The following SPATC1 variants were observed in gnomAD, a reference collection of about 807,000 sequenced individuals.
SPATC1 encodes spermatogenesis and centriole associated 1.
In SPATC1, 35 loss-of-function variants were observed where a neutral mutation model predicts 36.5. The observed-to-expected ratio is 0.96, with a 90% confidence interval of 0.73 to 1.27. SPATC1 has a LOEUF of 1.27. Among genes scored for constraint, SPATC1 ranks in the 50% most tolerant of loss-of-function variants. SPATC1 has a pLI of 0.00. For synonymous variants in SPATC1, 361 were observed against 353.6 expected (o/e 1.02, Z -0.24); for missense variants, 779 against 796.0 (o/e 0.98, Z 0.26).
chr8:144,040,496 T>TG lies in SPATC1; in HGVS notation c.766+42dup, dbSNP rs562226213. 9.1e-3 allele frequency: 14,029 copies of TG among 1,540,064 alleles called. 67 individuals are homozygous for TG. Among genetic ancestry groups the TG allele is most frequent in the Middle Eastern group, 0.014 (79 of 5,742 alleles). ...GTGTGGTGGGTGGTGGGTGGCAGAG[T>TG]GGGGGGGGGCAGAGCCCTCCCACCT... On this transcript the variant is annotated intron_variant, in intron 2 of 4. Coordinates refer to ENST00000377470, the MANE Select transcript of SPATC1 (RefSeq NM_198572.3).
intron 1 of SPATC1, among the ~76,000 whole-genome samples, chr8:144,020,094 C>T (rs1177212854): frequency 1.3e-5 from 2 of 151,366 alleles, no homozygotes; most frequent in East Asian, 2.0e-4. Flanking sequence ...GTCAATACCC[C>T]ACAAGACTCT....
At chr8:144,019,871 A>T (rs1475967402) in intron 1 of SPATC1, among the ~76,000 whole-genome samples, 1 of 151,682 alleles carries the variant, frequency 6.6e-6, no homozygotes, top group Non-Finnish European at 1.5e-5. Context: ...CTACCTGAGG[A>T]TCCTCTCCCC....
Position 144,041,115 on chromosome 8 carries a change from A to G in SPATC1, c.1306+8A>G. On this transcript the variant is annotated splice_region_variant and intron_variant, in intron 3 of 4. Transcript: ENST00000377470. ...TCCCCGAGAACCCCCGAGGTCAGTG[A>G]CACTGCGGGCTCCACGCGGGTCGGG... The G allele has an allele frequency of 3.8e-6, 6 of 1,578,908 alleles. No homozygotes were observed. The highest frequency in any genetic ancestry group is 2.7e-5 in the African/African-American group (2 of 74,136).
intron 1 of SPATC1, among the ~76,000 whole-genome samples, chr8:144,034,747 G>A (rs939079948): frequency 1.3e-5 from 2 of 151,874 alleles, no homozygotes; most frequent in Non-Finnish European, 2.9e-5. Context: ...CCAGGTTCCC[G>A]AGTACCTGGG....
intron 1 of SPATC1, among the ~76,000 whole-genome samples, chr8:144,018,877 C>CAA (rs1165770098): frequency 0.14 from 13,448 of 96,560 alleles, 1,379 homozygotes; most frequent in South Asian, 0.2. Flanking sequence ...ACTAAAAATA[C>CAA]AAAAAAAAAA....
Position 144,040,804 on chromosome 8 carries a change from C to T in SPATC1, c.1003C>T (p.Leu335Phe), listed in dbSNP as rs1564279100. 6.5e-7 allele frequency: 1 copy of T among 1,534,050 alleles called. No homozygotes were observed. The highest frequency in any genetic ancestry group is 8.8e-7 in the Non-Finnish European group (1 of 1,139,670). ...SPTTSPTVTVLASAPALAPQV... is the reference protein window; with the variant it reads ...SPTTSPTVTVFASAPALAPQV... Reference sequence around the variant, plus strand: ...CACCACCTCCCCCACGGTCACCGTCCTTGCCTCTGCCCCCGCCCTTGCCCC... The same window carrying T: ...CACCACCTCCCCCACGGTCACCGTCTTTGCCTCTGCCCCCGCCCTTGCCCC... The change falls in exon 3 of 5, where the codon CTT (leucine) becomes TTT (phenylalanine). Residue 335 changes from leucine to phenylalanine, a missense_variant. Transcript: ENST00000377470.
rs782510093 is a variant in SPATC1, at chr8:144,046,781, TC to T, written c.1603del (p.Leu535CysfsTer77). 8 of 1,609,912 alleles carry T rather than the reference TC, an allele frequency of 5.0e-6. No homozygotes were observed. The East Asian group carries it at 1.6e-4, about 31-fold the overall frequency. ...GAGCAGCTGGTGAACGCTTATGGCATCCTGCGAGAGCGCCCGGAGCTGGCGG... is the reference window on the plus strand; with the variant it reads ...GAGCAGCTGGTGAACGCTTATGGCATCTGCGAGAGCGCCCGGAGCTGGCGG... The part of the protein sequence containing the change: ...LTEQLVNAYG[I>X]LRERPELAAS... On this transcript the variant is annotated frameshift_variant, in exon 5 of 5. Transcript: ENST00000377470. LOFTEE classifies it high-confidence loss of function. The surrounding 1 kb of genome is among the most constrained non-coding windows in gnomAD (Gnocchi z 6.6).
chr8:144,029,504 T>C (rs1245055980), intron 1 of SPATC1, among the ~76,000 whole-genome samples: 1 of 152,134 alleles, frequency 6.6e-6, no homozygotes, highest in African/African-American at 2.4e-5. Context: ...GAGGTGTAGG[T>C]TGCAGTGAGG....
Position 144,016,560 on chromosome 8 carries a change from G to C in SPATC1, c.211+3834G>C, listed in dbSNP as rs1554753268. Among the ~76,000 whole-genome samples the C allele has an allele frequency of 6.6e-6, 1 of 152,104 alleles. No individual in the cohort carries two copies. The highest frequency in any genetic ancestry group is 2.4e-5 in the African/African-American group (1 of 41,418). On this transcript the variant is annotated intron_variant, in intron 1 of 4. Transcript: ENST00000377470. This position sits in a 1 kb window ranked among gnomAD's most constrained non-coding sequence, Gnocchi z 4.5. The stretch of plus-strand genomic sequence containing the variant: ...AAGGACTGCGGATGACATGCTGAGG[G>C]GCTTGGACTTGCTCCTGAAGGCGCT...
At position 144,045,282 on chromosome 8, in the gene SPATC1, G is replaced by A. The variant is rs1835229194; in HGVS notation, c.1447-1345G>A. The stretch of plus-strand genomic sequence containing the variant: ...GCTCAGGAGCCAAGAACCTCCAGCT[G>A]GGGAGAGACAGGCGCATCCCAGGCA... On this transcript the variant is annotated intron_variant, in intron 4 of 4. Transcript: ENST00000377470. This position sits in a 1 kb window ranked among gnomAD's most constrained non-coding sequence, Gnocchi z 5.2. Among the ~76,000 whole-genome samples, 1 of 152,228 alleles carries A rather than the reference G, an allele frequency of 6.6e-6. No individual in the cohort carries two copies. Among genetic ancestry groups the A allele is most frequent in the African/African-American group, 2.4e-5 (1 of 41,452 alleles).
At chr8:144,037,417 C>T (rs1221203380) in intron 1 of SPATC1, among the ~76,000 whole-genome samples, 1 of 151,946 alleles carries the variant, frequency 6.6e-6, no homozygotes, top group East Asian at 1.9e-4. Context: ...CGGATGGTTG[C>T]CGTGTCTGTG....
intron 1 of SPATC1, among the ~76,000 whole-genome samples, chr8:144,018,707 C>T (rs890993485): frequency 6.6e-6 from 1 of 151,602 alleles, no homozygotes; most frequent in South Asian, 2.1e-4. Context: ...TCTCTGAGAG[C>T]AAGGATGGAG....
chr8:144,023,323 TCTCCCCTC>T (rs1834590258), intron 1 of SPATC1, among the ~76,000 whole-genome samples: 2 of 106,816 alleles, frequency 1.9e-5, no homozygotes, highest in Non-Finnish European at 3.9e-5. Context: ...CTGAGGAACC[TCTCCCCTC>T]AGGATCCTCT....
At chr8:144,030,233 G>T (rs1167639140) in intron 1 of SPATC1, among the ~76,000 whole-genome samples, 3 of 152,190 alleles carry the variant, frequency 2.0e-5, no homozygotes, top group Admixed American at 2.0e-4. Flanking sequence ...GAACATGGGA[G>T]TGTTTTTTGG....
At chr8:144,023,718 C>T (rs1332564566) in intron 1 of SPATC1, among the ~76,000 whole-genome samples, 21 of 1,032 alleles carry the variant, frequency 0.02, 10 homozygotes, top group African/African-American at 0.023. Context: ...CTCAAGACCC[C>T]CTTCCCTCAG....
chr8:144,035,530 G>C (rs2133133279), intron 1 of SPATC1, among the ~76,000 whole-genome samples: 1 of 152,348 alleles, frequency 6.6e-6, no homozygotes, highest in African/African-American at 2.4e-5. Flanking sequence ...TTTGGTGTTA[G>C]ACTTTCTGTG....
intron 4 of SPATC1, among the ~76,000 whole-genome samples, chr8:144,043,709 A>G (rs1321680989): frequency 7.0e-6 from 1 of 143,090 alleles, no homozygotes; most frequent in African/African-American, 2.6e-5. Context: ...TTTTTTTTAC[A>G]TAAGTGACTA....
intron 1 of SPATC1, among the ~76,000 whole-genome samples, chr8:144,025,457 T>C (rs1834658363): frequency 6.6e-6 from 1 of 152,248 alleles, no homozygotes; most frequent in Non-Finnish European, 1.5e-5. Flanking sequence ...TTCAATGTTC[T>C]CTTCAAGTTC....
chr8:144,042,225 C>T (rs553919762), intron 4 of SPATC1: 1 of 149,354 alleles, frequency 6.7e-6, no homozygotes, highest in Admixed American at 7.0e-5. Context: ...CATGAAACTC[C>T]TGGGGGTTCA....
Sources: allele counts gnomAD v4.1 joint callset (sites outside exome capture counted in the v4.1 genomes callset), GRCh38; gene constraint gnomAD v4.1.1; non-coding constraint Gnocchi (gnomAD v3.1); transcripts MANE v1.5; gene names NCBI Gene and HGNC (gene_info 2026-07-23, HGNC 2026-07-21).